MCPH1: variants seen among roughly 807,000 people sequenced by gnomAD.
MCPH1 encodes microcephalin.
MCPH1 carries 104 observed loss-of-function variants against 84.5 expected under a neutral mutation model. The ratio of observed to expected loss-of-function variants is 1.23; its 90% CI spans 1.05 to 1.45. The LOEUF (loss-of-function observed/expected upper bound fraction) is 1.45. Among genes scored for constraint, MCPH1 ranks in the 40% most tolerant of loss-of-function variants. The pLI, the probability that MCPH1 is intolerant of heterozygous loss-of-function variation, is 0.00. For synonymous variants in MCPH1, 514 were observed against 366.8 expected (o/e 1.40, Z -4.58); for missense variants, 1,498 against 1,005.7 (o/e 1.49, Z -6.62).
intron 13 of MCPH1, chr8:6,625,045 T>C: frequency 1.9e-6 from 1 of 521,090 alleles, no homozygotes. Flanking sequence ...CAGGTAATTT[T>C]TGTATTTTTA....
intron 13 of MCPH1, among the ~76,000 whole-genome samples, chr8:6,628,592 A>G (rs1796936570): frequency 6.6e-6 from 1 of 151,850 alleles, no homozygotes; most frequent in African/African-American, 2.4e-5. Context: ...TTTTATGTGT[A>G]TTAGAAATGT....
Position 6,521,533 on chromosome 8 carries a change from T to C in MCPH1, c.2214+21604T>C, listed in dbSNP as rs1482919407. 4.1e-6 allele frequency: 3 copies of C among 727,196 alleles called. No homozygotes were observed. In the African/African-American group the frequency reaches 5.3e-5, roughly 13 times the overall value. 45.0% of individuals were successfully genotyped at this position (727,196 alleles called of 1,614,324 possible). ...TTGTAGTGGTTATAAAGTAATATGATGTTACCAGAGCCCTAAGGAATCTCT... is the reference window on the plus strand; with the variant it reads ...TTGTAGTGGTTATAAAGTAATATGACGTTACCAGAGCCCTAAGGAATCTCT... On this transcript the variant is annotated intron_variant, in intron 12 of 13. Coordinates refer to ENST00000344683, the MANE Select transcript of MCPH1 (RefSeq NM_024596.5).
At chr8:6,519,734 G>A in intron 12 of MCPH1, 1 of 1,159,672 alleles carries the variant, frequency 8.6e-7, no homozygotes. Context: ...TAGCTGCCCA[G>A]TAACTATGGC....
At chr8:6,547,997 C>T (rs1356397789) in intron 12 of MCPH1, among the ~76,000 whole-genome samples, 1 of 151,876 alleles carries the variant, frequency 6.6e-6, no homozygotes, top group Non-Finnish European at 1.5e-5. Flanking sequence ...TGAACGCTTC[C>T]CTCAGTTGTA....
chr8:6,640,141 A>G (rs1797853629), intron 13 of MCPH1, among the ~76,000 whole-genome samples: 1 of 148,436 alleles, frequency 6.7e-6, no homozygotes, highest in Admixed American at 6.8e-5. Context: ...TGTGTTTTCT[A>G]ACTGAACAAT....
intron 12 of MCPH1, among the ~76,000 whole-genome samples, chr8:6,504,461 C>A (rs1041584655): frequency 6.6e-6 from 1 of 152,118 alleles, no homozygotes; most frequent in African/African-American, 2.4e-5. Flanking sequence ...TGTCTACATC[C>A]GGTCTCCTGA....
intron 12 of MCPH1, among the ~76,000 whole-genome samples, chr8:6,528,393 T>TTA (rs1193251517): frequency 6.6e-6 from 1 of 152,256 alleles, no homozygotes; most frequent in African/African-American, 2.4e-5. Flanking sequence ...TATTTATTTG[T>TTA]CACTAGACAG....
rs143722172 is a variant in MCPH1, at chr8:6,540,815, G to A, written c.2214+40886G>A. 6.6e-4 allele frequency among the ~76,000 whole-genome samples: 100 copies of A among 152,360 alleles called. No homozygotes were observed. In the South Asian group the frequency reaches 0.012, roughly 18 times the overall value. ...GAGCGCAGCCATGCCGAACAGGCGC[G>A]GGAGGCAGGGGCGCCGCAGGGTGGT... On this transcript the variant is annotated intron_variant, in intron 12 of 13. Coordinates refer to ENST00000344683, the MANE Select transcript of MCPH1 (RefSeq NM_024596.5).
rs567870217 is a variant in MCPH1, at chr8:6,521,264, G to A, written c.2214+21335G>A. ...CTTCTGAAGAACTGAATTATTCACC[G>A]TGGCAGTCACTATTTTTTTTTCTAG... On this transcript the variant is annotated intron_variant, in intron 12 of 13. Transcript: ENST00000344683. 2.2e-5 allele frequency: 35 copies of A among 1,613,880 alleles called. No homozygotes were observed. The East Asian group carries it at 4.5e-4, about 21-fold the overall frequency.
At chr8:6,564,987 A>T (rs527966665) in intron 12 of MCPH1, among the ~76,000 whole-genome samples, 3 of 152,212 alleles carry the variant, frequency 2.0e-5, no homozygotes, top group Admixed American at 2.0e-4. Flanking sequence ...AAGAGGTAGT[A>T]TGATTCCACC....
intron 12 of MCPH1, among the ~76,000 whole-genome samples, chr8:6,543,591 A>C (rs894517421): frequency 1.3e-5 from 2 of 152,158 alleles, no homozygotes; most frequent in African/African-American, 4.8e-5. Flanking sequence ...TTCAGAAAAG[A>C]AATGTGTTCT....
intron 3 of MCPH1, among the ~76,000 whole-genome samples, chr8:6,417,965 G>A (rs1009175084): frequency 6.6e-6 from 1 of 152,184 alleles, no homozygotes; most frequent in Non-Finnish European, 1.5e-5. Context: ...TTAACTTGTC[G>A]TTAAAATGAA....
intron 8 of MCPH1, among the ~76,000 whole-genome samples, chr8:6,450,067 A>G (rs1156540740): frequency 6.6e-6 from 1 of 152,022 alleles, no homozygotes; most frequent in African/African-American, 2.4e-5. Context: ...TGTGTGATGG[A>G]TTTTTACATG....
intron 12 of MCPH1, chr8:6,527,761 T>A: frequency 1.6e-6 from 2 of 1,257,740 alleles, no homozygotes; most frequent in Non-Finnish European, 2.2e-6. Flanking sequence ...GTACCCAAGC[T>A]ACAGGAAAAC....
At chr8:6,412,231 G>GAACCC (rs1444664430) in intron 2 of MCPH1, among the ~76,000 whole-genome samples, 1 of 152,168 alleles carries the variant, frequency 6.6e-6, no homozygotes, top group Non-Finnish European at 1.5e-5. Flanking sequence ...TGGAATGTAG[G>GAACCC]AACCCGAGGG....
intron 12 of MCPH1, among the ~76,000 whole-genome samples, chr8:6,530,652 C>G (rs1345002171): frequency 6.6e-6 from 1 of 151,740 alleles, no homozygotes; most frequent in African/African-American, 2.4e-5. Context: ...ATTTTTAGTA[C>G]CTTATGATCC....
intron 12 of MCPH1, among the ~76,000 whole-genome samples, chr8:6,519,350 A>G (rs1055232414): frequency 1.3e-5 from 2 of 152,172 alleles, no homozygotes; most frequent in Non-Finnish European, 2.9e-5. Context: ...AACTGCCACC[A>G]TCCCCGTGTG....
intron 13 of MCPH1, among the ~76,000 whole-genome samples, chr8:6,632,606 G>A (rs1024751842): frequency 2.0e-5 from 3 of 152,084 alleles, no homozygotes; most frequent in Non-Finnish European, 2.9e-5. Flanking sequence ...TCAGGAGATC[G>A]AGACCATCCT....
In MCPH1 at chr8:6,445,055, A is replaced by G. The variant is rs1804081177; in HGVS notation, c.1333A>G (p.Arg445Gly). 6.2e-7 allele frequency: 1 copy of G among 1,614,220 alleles called. No individual in the cohort carries two copies. Among genetic ancestry groups the G allele is most frequent in the South Asian group, 1.1e-5 (1 of 91,086 alleles). ...ATCAAGCCCTGCTCAGTTGAGCTGC[A>G]GAAGTCTTTCTAAGAAGGAGAGAAC... ...LPSSPAQLSC[R>G]SLSKKERTSI... The change falls in exon 8 of 14, where the codon AGA becomes GGA. Residue 445 changes from arginine to glycine, a missense_variant. Physicochemically the swap from Arg to Gly is moderately radical, Grantham distance 125. Coordinates refer to ENST00000344683, the MANE Select transcript of MCPH1 (RefSeq NM_024596.5).
Sources: gnomAD v4.1 joint callset for allele counts (sites outside exome capture counted in the v4.1 genomes callset) on GRCh38, gnomAD v4.1.1 for gene constraint, MANE v1.5 for transcripts, NCBI Gene and HGNC (gene_info 2026-07-23, HGNC 2026-07-21) for gene names.